TGFBR3: variants seen among roughly 807,000 people sequenced by gnomAD.
The protein encoded by TGFBR3 is transforming growth factor beta receptor type 3.
A neutral mutation model predicts 87.9 loss-of-function variants in TGFBR3; 46 were observed. The observed-to-expected ratio is 0.52, with a 90% CI of 0.41 to 0.67. TGFBR3 has a LOEUF of 0.67. Ranked by LOEUF, TGFBR3 falls within the 30% of genes least tolerant of loss-of-function variation. The pLI is 0.00. For missense variants in TGFBR3, 866 were observed against 1,041.9 expected (o/e 0.83, Z 2.32); for synonymous variants, 381 against 391.6 (o/e 0.97, Z 0.32).
Position 91,834,246 on chromosome 1 carries a change from G to A in TGFBR3, c.61+27225C>T, listed in dbSNP as rs59598515. On this transcript the variant is annotated intron_variant, in intron 2 of 16. Transcript: ENST00000212355. Reference sequence around the variant, plus strand: ...CTGATTTTAAAATCCAATTCTGATAGCATGGTGTCTCCCGCCTTCAATAAG... The same window carrying A: ...CTGATTTTAAAATCCAATTCTGATAACATGGTGTCTCCCGCCTTCAATAAG... Among the ~76,000 whole-genome samples the A allele has an allele frequency of 7.9e-3, 1,204 of 152,316 alleles. 26 individuals carry two copies. The highest frequency in any genetic ancestry group is 0.028 in the African/African-American group (1,158 of 41,560).
chr1:91,762,491 G>C (rs904449324), intron 3 of TGFBR3, among the ~76,000 whole-genome samples: 1 of 152,172 alleles, frequency 6.6e-6, no homozygotes, highest in African/African-American at 2.4e-5. Context: ...GAACTTAATA[G>C]ATGAAGACTC....
intron 4 of TGFBR3, among the ~76,000 whole-genome samples, chr1:91,747,920 C>T (rs573444162): frequency 4.6e-5 from 7 of 152,340 alleles, no homozygotes; most frequent in South Asian, 2.1e-4. Context: ...CCCACAATGG[C>T]ATAAGCCAAT....
chr1:91,768,366 A>G (rs1674256596), intron 3 of TGFBR3, among the ~76,000 whole-genome samples: 1 of 152,186 alleles, frequency 6.6e-6, no homozygotes, highest in South Asian at 2.1e-4. Flanking sequence ...TTGTATTTTT[A>G]TCACCTTAGA....
chr1:91,828,741 C>G (rs565351116), intron 2 of TGFBR3, among the ~76,000 whole-genome samples: 1 of 152,084 alleles, frequency 6.6e-6, no homozygotes, highest in African/African-American at 2.4e-5. Flanking sequence ...AGAGGAAGAC[C>G]GAAATTCTTC....
intron 1 of TGFBR3, 146 bp downstream of exon 1, chr1:91,885,732 C>T (rs1291553149): frequency 5.4e-6 from 1 of 185,140 alleles, no homozygotes; most frequent in Admixed American, 6.5e-5. Context: ...CGCCTCCCTC[C>T]CAAGGCCGGA....
chr1:91,777,606 C>T (rs1275313574), intron 3 of TGFBR3, among the ~76,000 whole-genome samples: 1 of 151,604 alleles, frequency 6.6e-6, no homozygotes, highest in African/African-American at 2.4e-5. Context: ...TAGCCCCAGC[C>T]CTAGCCCCAG....
intron 1 of TGFBR3, among the ~76,000 whole-genome samples, chr1:91,873,184 T>C (rs753951732): frequency 6.6e-6 from 1 of 151,918 alleles, no homozygotes; most frequent in Non-Finnish European, 1.5e-5. Context: ...TTATCCAGGC[T>C]AATCTTGAAT....
intron 3 of TGFBR3, among the ~76,000 whole-genome samples, chr1:91,791,085 G>C (rs1172902393): frequency 6.6e-6 from 1 of 152,234 alleles, no homozygotes; most frequent in African/African-American, 2.4e-5. Flanking sequence ...TAAGCAAAAA[G>C]ATGTCAAATC....
intron 2 of TGFBR3, among the ~76,000 whole-genome samples, chr1:91,813,157 T>C (rs1358820559): frequency 6.6e-6 from 1 of 152,182 alleles, no homozygotes; most frequent in Non-Finnish European, 1.5e-5. Context: ...ACTTCCTTCA[T>C]GATGCACAAA....
intron 14 of TGFBR3, among the ~76,000 whole-genome samples, chr1:91,702,418 G>T (rs1377908217): frequency 6.7e-6 from 1 of 149,500 alleles, no homozygotes; most frequent in Non-Finnish European, 1.5e-5. Context: ...AGGCCGAGAC[G>T]GGCGGATCAC....
intron 2 of TGFBR3, among the ~76,000 whole-genome samples, chr1:91,897,954 G>A (rs190027474): frequency 8.1e-4 from 123 of 151,898 alleles, no homozygotes; most frequent in Middle Eastern, 3.4e-3. Flanking sequence ...TTGGGAGCCC[G>A]AGGCAGGAAG....
intron 3 of TGFBR3, among the ~76,000 whole-genome samples, chr1:91,777,958 T>C (rs541026932): frequency 6.6e-6 from 1 of 152,292 alleles, no homozygotes; most frequent in African/African-American, 2.4e-5. Flanking sequence ...CTTCTAATCT[T>C]CTGCATTTCA....
intron 3 of TGFBR3, among the ~76,000 whole-genome samples, chr1:91,765,850 C>G (rs1368451747): frequency 6.6e-6 from 1 of 152,124 alleles, no homozygotes; most frequent in Non-Finnish European, 1.5e-5. Flanking sequence ...AAATTTTAGA[C>G]AAACTGAAGA....
chr1:91,705,618 GT>G (rs1671776537), intron 14 of TGFBR3, among the ~76,000 whole-genome samples: 1 of 152,180 alleles, frequency 6.6e-6, no homozygotes, highest in African/African-American at 2.4e-5. Context: ...ATGATTTAGA[GT>G]CAAAAGAAAA....
intron 3 of TGFBR3, among the ~76,000 whole-genome samples, chr1:91,760,600 A>G (rs1673923972): frequency 6.6e-6 from 1 of 152,388 alleles, no homozygotes; most frequent in Middle Eastern, 3.4e-3. Context: ...TTGCAAAAAA[A>G]TACAAAAATA....
At position 91,840,871 on chromosome 1, in the gene TGFBR3, C is replaced by G. The variant is rs141530822; in HGVS notation, c.61+20600G>C. Among the ~76,000 whole-genome samples, 208 of 151,706 alleles carry G rather than the reference C, an allele frequency of 1.4e-3. 2 individuals carry two copies. The highest frequency in any genetic ancestry group is 4.7e-3 in the African/African-American group (194 of 41,342). Reference sequence around the variant, plus strand: ...TGTTGCCCAGGCTGGAGTGCAATGGCACCATCTCAGTTCACTGCAACCTCC... The same window carrying G: ...TGTTGCCCAGGCTGGAGTGCAATGGGACCATCTCAGTTCACTGCAACCTCC... On this transcript the variant is annotated intron_variant, in intron 2 of 16. Transcript: ENST00000212355.
At chr1:91,719,147 G>C (rs1041242553) in intron 10 of TGFBR3, among the ~76,000 whole-genome samples, 165 bp downstream of exon 10, 1 of 152,116 alleles carries the variant, frequency 6.6e-6, no homozygotes, top group African/African-American at 2.4e-5. Context: ...AAACCAAAGA[G>C]CTCAGGGTCA....
At chr1:91,685,601 C>T (rs547239981) in intron 16 of TGFBR3, among the ~76,000 whole-genome samples, 257 of 152,180 alleles carry the variant, frequency 1.7e-3, no homozygotes, top group African/African-American at 6.0e-3. Context: ...GGATTACAGG[C>T]GTGAGCCACC....
intron 2 of TGFBR3, among the ~76,000 whole-genome samples, chr1:91,837,447 T>C (rs1240158381): frequency 6.6e-6 from 1 of 152,056 alleles, no homozygotes. Flanking sequence ...GGTTTCACCA[T>C]GTTGGCCAGG....
Sources: gnomAD v4.1 joint callset for allele counts (sites outside exome capture counted in the v4.1 genomes callset) on GRCh38, gnomAD v4.1.1 for gene constraint, MANE v1.5 for transcripts, NCBI Gene and HGNC (gene_info 2026-07-23, HGNC 2026-07-21) for gene names.